The following CYP7B1 variants were observed in gnomAD, a reference collection of about 807,000 sequenced individuals.
The protein encoded by CYP7B1 is cytochrome P450 7B1.
In CYP7B1, 29 loss-of-function variants were observed where a neutral mutation model predicts 42.7. The ratio of observed to expected loss-of-function variants is 0.68; its 90% CI spans 0.51 to 0.93. CYP7B1 has a LOEUF of 0.93. Ranked by LOEUF, CYP7B1 falls within the 40% of genes least tolerant of loss-of-function variation. The probability of loss-of-function intolerance (pLI) is 0.00; values close to 1 mark genes in which losing one functional copy is unlikely to be tolerated. For missense variants in CYP7B1, 655 were observed against 600.5 expected (o/e 1.09, Z -0.95); for synonymous variants, 235 against 218.2 (o/e 1.08, Z -0.68).
chr8:64,644,823 A>G (rs1471246311), intron 1 of CYP7B1, among the ~76,000 whole-genome samples: 4 of 151,854 alleles, frequency 2.6e-5, no homozygotes, highest in Admixed American at 2.6e-4. Flanking sequence ...GGTTTGTTAC[A>G]TATGTATACA....
intron 1 of CYP7B1, among the ~76,000 whole-genome samples, chr8:64,775,035 G>C (rs986070005): frequency 1.3e-5 from 2 of 152,050 alleles, no homozygotes; most frequent in South Asian, 2.1e-4. Context: ...TCTGTAACAA[G>C]AGTTTCATCC....
At chr8:64,625,374 G>C (rs1490269489) in intron 1 of CYP7B1, among the ~76,000 whole-genome samples, 1 of 152,174 alleles carries the variant, frequency 6.6e-6, no homozygotes, top group Non-Finnish European at 1.5e-5. Context: ...GTTACAATCT[G>C]TTTTATTTAT....
At chr8:64,643,140 TATATACATATATAC>T (rs1805888265) in intron 1 of CYP7B1, among the ~76,000 whole-genome samples, 1 of 33,388 alleles carries the variant, frequency 3.0e-5, no homozygotes, top group African/African-American at 1.1e-4. Context: ...TATATATACA[TATATACATATATAC>T]ATATATACAC....
intron 1 of CYP7B1, among the ~76,000 whole-genome samples, chr8:64,769,757 T>A (rs1039337630): frequency 6.6e-6 from 1 of 152,160 alleles, no homozygotes; most frequent in South Asian, 2.1e-4. Context: ...TCAAATGTAA[T>A]CTTCACTTCC....
intron 1 of CYP7B1, among the ~76,000 whole-genome samples, chr8:64,637,740 A>G (rs965016330): frequency 2.6e-5 from 4 of 152,152 alleles, no homozygotes; most frequent in Non-Finnish European, 5.9e-5. Flanking sequence ...TGTGAAATAA[A>G]CTTTCAATGT....
intron 1 of CYP7B1, among the ~76,000 whole-genome samples, chr8:64,741,115 T>C (rs936268312): frequency 6.6e-6 from 1 of 151,976 alleles, no homozygotes; most frequent in Non-Finnish European, 1.5e-5. Flanking sequence ...CTGGATGCTC[T>C]TTCCCTAAGT....
intron 4 of CYP7B1, among the ~76,000 whole-genome samples, chr8:64,607,115 A>G (rs1348653018): frequency 6.6e-6 from 1 of 152,178 alleles, no homozygotes; most frequent in East Asian, 1.9e-4. Flanking sequence ...AGTGCCGAAC[A>G]AACAAGGCAA....
chr8:64,683,906 C>T (rs754171705), intron 1 of CYP7B1, among the ~76,000 whole-genome samples: 7 of 152,254 alleles, frequency 4.6e-5, no homozygotes, highest in South Asian at 2.1e-4. Flanking sequence ...TAGATACCCT[C>T]GTGGCTCACT....
At chr8:64,608,587 A>G (rs1349338053) in intron 4 of CYP7B1, among the ~76,000 whole-genome samples, 1 of 152,024 alleles carries the variant, frequency 6.6e-6, no homozygotes, top group Non-Finnish European at 1.5e-5. Flanking sequence ...GGGTGATCTT[A>G]AAGAGAAGGT....
At chr8:64,629,343 C>T (rs1286023639) in intron 1 of CYP7B1, among the ~76,000 whole-genome samples, 1 of 151,706 alleles carries the variant, frequency 6.6e-6, no homozygotes, top group Non-Finnish European at 1.5e-5. Context: ...CAGGTTATTG[C>T]AATAACCTCC....
chr8:64,684,953 G>T (rs1806597164), intron 1 of CYP7B1, among the ~76,000 whole-genome samples: 1 of 152,222 alleles, frequency 6.6e-6, no homozygotes, highest in Non-Finnish European at 1.5e-5. Flanking sequence ...AGGATATGGA[G>T]AAATCAGAGC....
At chr8:64,789,458 A>G (rs1171040616) in intron 1 of CYP7B1, among the ~76,000 whole-genome samples, 1 of 152,160 alleles carries the variant, frequency 6.6e-6, no homozygotes, top group African/African-American at 2.4e-5. Flanking sequence ...TTACTATCTG[A>G]CTTATAATTC....
In CYP7B1 at chr8:64,771,047, CTTTTTTTTTTTTTTTTTT is replaced by C. The variant is rs757503820; in HGVS notation, c.122+27401_122+27418del. ...AATCTCAAGAGTGGGATATCAGCAT[CTTTTTTTTTTTTTTTTTT>C]TTTTTTTTTTTTTTTAGACAGGGTC... On this transcript the variant is annotated intron_variant, in intron 1 of 5. Transcript: ENST00000310193. Among the ~76,000 whole-genome samples, 36 of 42,504 alleles carry C rather than the reference CTTTTTTTTTTTTTTTTTT, an allele frequency of 8.5e-4. 1 individual carries two copies. The highest frequency in any genetic ancestry group is 2.5e-3 in the African/African-American group (30 of 12,022). 27.9% of individuals were successfully genotyped at this position (42,504 alleles called of 152,430 possible).
In CYP7B1 at chr8:64,594,266, G is replaced by A. The variant is rs1805083400; in HGVS notation, c.*2376C>T. ...TGTCCTGCTGACAGTGTCCATCACT[G>A]GGTAACTAGATCATTAAAACATAAT... is the stretch of plus-strand genomic sequence containing the variant. On this transcript the variant is annotated 3_prime_UTR_variant, in exon 6 of 6. Transcript: ENST00000310193. 6.6e-6 allele frequency among the ~76,000 whole-genome samples: 1 copy of A among 152,090 alleles called. No homozygotes were observed. The highest frequency in any genetic ancestry group is 2.4e-5 in the African/African-American group (1 of 41,400).
chr8:64,726,894 C>G (rs996662876), intron 1 of CYP7B1, among the ~76,000 whole-genome samples: 1 of 152,120 alleles, frequency 6.6e-6, no homozygotes, highest in Non-Finnish European at 1.5e-5. Context: ...TGGAGGACAA[C>G]TCTCAGGCTG....
intron 1 of CYP7B1, among the ~76,000 whole-genome samples, chr8:64,675,486 CTTA>C (rs1215688317): frequency 6.7e-6 from 1 of 150,276 alleles, no homozygotes; most frequent in Non-Finnish European, 1.5e-5. Context: ...TTTTATATTA[CTTA>C]TTAAGTATTT....
chr8:64,748,610 C>T (rs966707341), intron 1 of CYP7B1, among the ~76,000 whole-genome samples: 1 of 152,186 alleles, frequency 6.6e-6, no homozygotes, highest in Non-Finnish European at 1.5e-5. Flanking sequence ...CAATCACTCT[C>T]ACAGATTTAC....
intron 1 of CYP7B1, among the ~76,000 whole-genome samples, chr8:64,627,299 A>G (rs1434441208): frequency 6.6e-6 from 1 of 152,210 alleles, no homozygotes; most frequent in African/African-American, 2.4e-5. Flanking sequence ...AGTTAATTCC[A>G]TATCCAAAGA....
downstream of CYP7B1, among the ~76,000 whole-genome samples, chr8:64,590,637 ATAAGT>A (rs1413918859): frequency 6.6e-6 from 1 of 152,226 alleles, no homozygotes; most frequent in Non-Finnish European, 1.5e-5. Context: ...CAAATAAATA[ATAAGT>A]TAAAATATAT....
Sources: allele counts gnomAD v4.1 joint callset (sites outside exome capture counted in the v4.1 genomes callset), GRCh38; gene constraint gnomAD v4.1.1; transcripts MANE v1.5; gene names NCBI Gene and HGNC (gene_info 2026-07-23, HGNC 2026-07-21).